The following SBF2 variants were observed in gnomAD, a reference collection of about 807,000 sequenced individuals.
SBF2 encodes SET binding factor 2, also known as myotubularin-related protein 13.
In SBF2, 112 loss-of-function variants were observed where a neutral mutation model predicts 225.2. That is an observed-to-expected ratio of 0.50 (90% CI 0.43 to 0.58). The LOEUF is 0.58. SBF2 is among the 20% of genes least tolerant of loss of function. SBF2 has a pLI of 0.00. For missense variants in SBF2, 1,996 were observed against 2,206.2 expected (o/e 0.90, Z 1.91); for synonymous variants, 763 against 773.3 (o/e 0.99, Z 0.22).
At chr11:10,108,214 G>T (rs894703234) in intron 2 of SBF2, among the ~76,000 whole-genome samples, 1 of 152,152 alleles carries the variant, frequency 6.6e-6, no homozygotes, top group South Asian at 2.1e-4. Flanking sequence ...AAGGATAGCA[G>T]AACACTGAGC....
chr11:10,147,621 G>T (rs1954952543), intron 2 of SBF2, among the ~76,000 whole-genome samples: 1 of 151,984 alleles, frequency 6.6e-6, no homozygotes. Context: ...TAGGTACTAG[G>T]TTTAGTACCT....
chr11:9,873,246 C>T (rs1858933630), intron 17 of SBF2, among the ~76,000 whole-genome samples: 2 of 145,932 alleles, frequency 1.4e-5, no homozygotes, highest in Admixed American at 1.4e-4. Flanking sequence ...CTAAAAAATG[C>T]TCTATGTAGT....
intron 2 of SBF2, among the ~76,000 whole-genome samples, chr11:10,092,485 A>G (rs947019125): frequency 6.6e-6 from 1 of 152,158 alleles, no homozygotes; most frequent in Non-Finnish European, 1.5e-5. Context: ...CCTAAGACAG[A>G]ATCTGATTTT....
rs34959264 is a variant in SBF2, at chr11:9,921,064, CTTTTT to C, written c.1861-25058_1861-25054del. ...ATGCATCAGTATGACCTGAAAACTTCTTTTTTTTTTTTTTTTTTTTTTGGAGCTGG... is the reference window on the plus strand; with the variant it reads ...ATGCATCAGTATGACCTGAAAACTTCTTTTTTTTTTTTTTTTTGGAGCTGG... On this transcript the variant is annotated intron_variant, in intron 16 of 39. Coordinates refer to ENST00000256190, the MANE Select transcript of SBF2 (RefSeq NM_030962.4). Among the ~76,000 whole-genome samples, 218 of 85,900 alleles carry C rather than the reference CTTTTT, an allele frequency of 2.5e-3. 2 individuals carry two copies. The highest frequency in any genetic ancestry group is 9.1e-3 in the African/African-American group (186 of 20,548). 56.4% of individuals were successfully genotyped at this position (85,900 alleles called of 152,430 possible).
intron 16 of SBF2, among the ~76,000 whole-genome samples, chr11:9,902,322 C>G (rs1175823030): frequency 6.6e-6 from 1 of 152,194 alleles, no homozygotes; most frequent in Non-Finnish European, 1.5e-5. Flanking sequence ...CTACTGACAT[C>G]AAGTATTTAT....
intron 2 of SBF2, among the ~76,000 whole-genome samples, chr11:10,181,735 A>G (rs1591156493): frequency 6.6e-6 from 1 of 152,258 alleles, no homozygotes. Flanking sequence ...AATTCTCCCA[A>G]TTAAGAGATA....
At chr11:9,804,786 G>T (rs1488896725) in intron 32 of SBF2, among the ~76,000 whole-genome samples, 3 of 152,116 alleles carry the variant, frequency 2.0e-5, no homozygotes, top group Non-Finnish European at 4.4e-5. Flanking sequence ...CATTCCCTTT[G>T]TGTGCTGAGT....
intron 1 of SBF2, among the ~76,000 whole-genome samples, chr11:10,233,299 T>C (rs1958930050): frequency 6.6e-6 from 1 of 152,138 alleles, no homozygotes; most frequent in Admixed American, 6.5e-5. Context: ...TTCACATGTA[T>C]CATAAGTATT....
At chr11:9,875,139 T>C (rs1159081939) in intron 17 of SBF2, among the ~76,000 whole-genome samples, 2 of 152,206 alleles carry the variant, frequency 1.3e-5, no homozygotes, top group African/African-American at 2.4e-5. Flanking sequence ...TCAAATCATA[T>C]AGACTGGGTC....
chr11:9,990,676 G>A (rs1947390600), intron 12 of SBF2, among the ~76,000 whole-genome samples: 1 of 152,164 alleles, frequency 6.6e-6, no homozygotes, highest in Non-Finnish European at 1.5e-5. Flanking sequence ...ACTAAGGGGT[G>A]ACTCAGTAGG....
In SBF2 at chr11:10,252,797, G is replaced by A. The variant is rs1960494253; in HGVS notation, c.55+41218C>T. Among the ~76,000 whole-genome samples the A allele has an allele frequency of 2.0e-5, 3 of 149,880 alleles. No homozygotes were observed. In the South Asian group the frequency reaches 6.3e-4, roughly 32 times the overall value. ...GATCGCGCCACTGCACTCCAGCCTGGGCAAAAATGCGAGACTCTGTCTCAA... is the reference window on the plus strand; with the variant it reads ...GATCGCGCCACTGCACTCCAGCCTGAGCAAAAATGCGAGACTCTGTCTCAA... On this transcript the variant is annotated intron_variant, in intron 1 of 39. Coordinates refer to ENST00000256190, the MANE Select transcript of SBF2 (RefSeq NM_030962.4).
At chr11:10,204,731 T>G (rs1417300959) in intron 1 of SBF2, among the ~76,000 whole-genome samples, 3 of 151,982 alleles carry the variant, frequency 2.0e-5, no homozygotes, top group African/African-American at 7.2e-5. Context: ...ATATGCTAAT[T>G]GAAAGAAACC....
chr11:10,206,728 G>T (rs112877922), intron 1 of SBF2, among the ~76,000 whole-genome samples: 1 of 152,174 alleles, frequency 6.6e-6, no homozygotes, highest in East Asian at 1.9e-4. Flanking sequence ...TTCAATAGTA[G>T]AGTGAAAATG....
At chr11:10,198,149 C>T (rs959786247) in intron 1 of SBF2, among the ~76,000 whole-genome samples, 1 of 152,142 alleles carries the variant, frequency 6.6e-6, no homozygotes, top group Non-Finnish European at 1.5e-5. Flanking sequence ...ATTTACTTTG[C>T]CCAGATTCAA....
At chr11:10,053,674 G>A (rs1422399098) in intron 2 of SBF2, among the ~76,000 whole-genome samples, 3 of 151,782 alleles carry the variant, frequency 2.0e-5, no homozygotes, top group South Asian at 2.1e-4. Context: ...AGGACCACTT[G>A]AGCCTAGGCA....
At chr11:10,180,212 G>GT (rs1042980230) in intron 2 of SBF2, among the ~76,000 whole-genome samples, 3 of 152,030 alleles carry the variant, frequency 2.0e-5, no homozygotes, top group African/African-American at 4.8e-5. Context: ...TCTTATTAAT[G>GT]TTTTTTTCTT....
At chr11:9,865,743 G>A (rs1180016018) in intron 17 of SBF2, among the ~76,000 whole-genome samples, 1 of 136,688 alleles carries the variant, frequency 7.3e-6, no homozygotes, top group Non-Finnish European at 1.6e-5. Context: ...GGGCGAAACT[G>A]AGGCAAAAAG....
intron 2 of SBF2, among the ~76,000 whole-genome samples, chr11:10,066,492 C>T (rs1950628691): frequency 6.6e-6 from 1 of 151,814 alleles, no homozygotes; most frequent in South Asian, 2.1e-4. Flanking sequence ...AACATGTTTA[C>T]ATAAAAAAGA....
intron 17 of SBF2, among the ~76,000 whole-genome samples, chr11:9,886,600 CTT>C (rs5789624): frequency 4.7e-5 from 7 of 150,338 alleles, no homozygotes; most frequent in African/African-American, 9.8e-5. Context: ...ATTTCTGCCT[CTT>C]TTTTTTTGAG....
Sources: gnomAD v4.1 joint callset for allele counts (sites outside exome capture counted in the v4.1 genomes callset) on GRCh38, gnomAD v4.1.1 for gene constraint, MANE v1.5 for transcripts, NCBI Gene and HGNC (gene_info 2026-07-23, HGNC 2026-07-21) for gene names.